The following FAXC variants were observed in gnomAD, a reference collection of about 807,000 sequenced individuals.
FAXC encodes the protein failed axon connections homolog.
Under a neutral mutation model 41.9 loss-of-function variants are expected in FAXC, and 10 were observed. The observed-to-expected ratio is 0.24, with a 90% CI of 0.15 to 0.41. The LOEUF is 0.41. Ranked by LOEUF, FAXC falls within the 10% of genes least tolerant of loss-of-function variation. The pLI is 1.00. For synonymous variants in FAXC, 183 were observed against 183.8 expected, an observed-to-expected ratio of 1.00 and a Z score of 0.03; for missense variants, 399 against 510.9, an observed-to-expected ratio of 0.78 and a Z score of 2.11.
At chr6:99,340,534 T>C (rs1042086190) in intron 2 of FAXC, among the ~76,000 whole-genome samples, 7 of 150,564 alleles carry the variant, frequency 4.6e-5, no homozygotes, top group Non-Finnish European at 1.0e-4. Context: ...AAGATATTCA[T>C]CAGGGAAGTT....
In FAXC at chr6:99,312,739, A is replaced by T. The variant is rs559435644; in HGVS notation, c.823+10705T>A. On this transcript the variant is annotated intron_variant, in intron 4 of 5. Transcript: ENST00000389677. The stretch of plus-strand genomic sequence containing the variant: ...AGTATTGAATTCTCCTTCTAGTTAA[A>T]TCTTTCTAATATTTTCCTAGGAAAA... Among the ~76,000 whole-genome samples, 14 of 152,338 alleles carry T rather than the reference A, an allele frequency of 9.2e-5. No individual in the cohort carries two copies. In the East Asian group the frequency reaches 2.5e-3, roughly 27 times the overall value.
chr6:99,279,382 A>C lies in FAXC; in HGVS notation c.*1782T>G, dbSNP rs1165747556. On this transcript the variant is annotated 3_prime_UTR_variant, in exon 6 of 6. Transcript: ENST00000389677. ...AATTGCTTAAGTGGTAAGCAGTCTGAAAAACTCTCCTCCCTTTACCTCTTT... is the reference window on the plus strand; with the variant it reads ...AATTGCTTAAGTGGTAAGCAGTCTGCAAAACTCTCCTCCCTTTACCTCTTT... The C allele has an allele frequency of 6.6e-6, 1 of 152,166 alleles. No individual in the cohort carries two copies. Among genetic ancestry groups the C allele is most frequent in the Non-Finnish European group, 1.5e-5 (1 of 68,032 alleles). The allele number at this position is 152,166 out of a possible 1,614,324, so 9.4% of individuals were successfully genotyped here.
At chr6:99,342,765 A>G (rs1340233739) in intron 2 of FAXC, 133 bp downstream of exon 2, 3 of 725,932 alleles carry the variant, frequency 4.1e-6, no homozygotes, top group Non-Finnish European at 6.6e-6. Flanking sequence ...CTTACTAAGG[A>G]TTAGGCACTG....
At chr6:99,285,149 T>G (rs1323111956) in intron 5 of FAXC, among the ~76,000 whole-genome samples, 2 of 152,152 alleles carry the variant, frequency 1.3e-5, no homozygotes, top group Non-Finnish European at 2.9e-5. Flanking sequence ...TGATGTTATC[T>G]ATCAAAAATT....
chr6:99,305,865 C>T lies in FAXC; in HGVS notation c.824-14045G>A, dbSNP rs569566634. On this transcript the variant is annotated intron_variant, in intron 4 of 5. Transcript: ENST00000389677. ...TAATCAATATTATTTTGACTATTTA[C>T]AAGACATGGCTCTGGGTGAGTGGGA... is the stretch of plus-strand genomic sequence containing the variant. Among the ~76,000 whole-genome samples, 15 of 152,134 alleles carry T rather than the reference C, an allele frequency of 9.9e-5. No homozygotes were observed. In the South Asian group the frequency reaches 1.2e-3, roughly 13 times the overall value.
chr6:99,343,138 A>G (rs1173189958), intron 1 of FAXC, 105 bp from the exon 2 acceptor site: 3 of 1,020,196 alleles, frequency 2.9e-6, no homozygotes, highest in Non-Finnish European at 4.2e-6. Flanking sequence ...TCAATGAACA[A>G]GCAGATCTGT....
intron 4 of FAXC, among the ~76,000 whole-genome samples, chr6:99,295,928 A>C (rs1346280424): frequency 6.6e-6 from 1 of 152,176 alleles, no homozygotes; most frequent in African/African-American, 2.4e-5. Context: ...ATGTTATCTG[A>C]AGCAAATATT....
At chr6:99,333,112 C>A (rs186366322) in intron 3 of FAXC, among the ~76,000 whole-genome samples, 1 of 152,214 alleles carries the variant, frequency 6.6e-6, no homozygotes, top group Admixed American at 6.5e-5. Context: ...GCAAAAGAGA[C>A]GTACAGCCAG....
At position 99,320,451 on chromosome 6, in the gene FAXC, T is replaced by C. The variant is rs540763868; in HGVS notation, c.823+2993A>G. On this transcript the variant is annotated intron_variant, in intron 4 of 5. Coordinates refer to ENST00000389677, the MANE Select transcript of FAXC (RefSeq NM_032511.4). ...TTCATTTATTTTAGTTTGAATTAAG[T>C]TACAATTTTTAAAACTATATCCATA... Among the ~76,000 whole-genome samples the C allele has an allele frequency of 9.5e-4, 145 of 152,298 alleles. 4 individuals are homozygous for C. In the South Asian group the frequency reaches 0.029, roughly 30 times the overall value.
In FAXC at chr6:99,272,936, A is replaced by G. The variant is rs546710753; in HGVS notation, c.*8228T>C. The G allele has an allele frequency of 2.6e-5, 4 of 152,370 alleles. No homozygotes were observed. The highest frequency in any genetic ancestry group is 9.6e-5 in the African/African-American group (4 of 41,584). The allele number at this position is 152,370 out of a possible 1,614,324, so 9.4% of individuals were successfully genotyped here. On this transcript the variant is annotated 3_prime_UTR_variant, in exon 6 of 6. Transcript: ENST00000389677. ...GAAAACTATTTCATATCCATTAGTT[A>G]TCATTTACACATCAAATACATATAG... is the stretch of plus-strand genomic sequence containing the variant.
At chr6:99,309,028 A>G (rs1046516530) in intron 4 of FAXC, among the ~76,000 whole-genome samples, 2 of 152,170 alleles carry the variant, frequency 1.3e-5, no homozygotes, top group Admixed American at 1.3e-4. Context: ...ATCCAGGCAA[A>G]TCAGCCCAGC....
intron 4 of FAXC, among the ~76,000 whole-genome samples, chr6:99,307,568 C>T (rs1025847634): frequency 2.0e-5 from 3 of 152,026 alleles, no homozygotes; most frequent in African/African-American, 7.2e-5. Flanking sequence ...GGTCTGGAGG[C>T]AGGCAAAGAT....
chr6:99,312,704 G>A (rs1000891637), intron 4 of FAXC, among the ~76,000 whole-genome samples: 1 of 152,154 alleles, frequency 6.6e-6, no homozygotes, highest in African/African-American at 2.4e-5. Flanking sequence ...CTGTAAGGTT[G>A]CAATATTTTA....
At position 99,278,327 on chromosome 6, in the gene FAXC, C is replaced by T. The variant is rs1237729007; in HGVS notation, c.*2837G>A. 6.6e-6 allele frequency: 1 copy of T among 152,116 alleles called. No homozygotes were observed. The highest frequency in any genetic ancestry group is 6.6e-5 in the Admixed American group (1 of 15,266). 9.4% of individuals were successfully genotyped at this position (152,116 alleles called of 1,614,324 possible). A position where few individuals can be genotyped will look rare whatever the true frequency, so the allele number is the denominator to read the frequency against. Reference sequence around the variant, plus strand: ...GGGCAAAGAGAGGTGGATGCAAGAGCTTGATTTACTTTTACAATGACAGGA... The same window carrying T: ...GGGCAAAGAGAGGTGGATGCAAGAGTTTGATTTACTTTTACAATGACAGGA... On this transcript the variant is annotated 3_prime_UTR_variant, in exon 6 of 6. Coordinates refer to ENST00000389677, the MANE Select transcript of FAXC (RefSeq NM_032511.4).
intron 4 of FAXC, among the ~76,000 whole-genome samples, chr6:99,315,870 G>A (rs1434387338): frequency 6.6e-6 from 1 of 152,106 alleles, no homozygotes; most frequent in African/African-American, 2.4e-5. Context: ...CCTCACAACT[G>A]AAACTGTATT....
intron 4 of FAXC, among the ~76,000 whole-genome samples, chr6:99,314,514 C>T (rs1277358808): frequency 6.6e-6 from 1 of 152,172 alleles, no homozygotes; most frequent in Non-Finnish European, 1.5e-5. Context: ...ATCAAGGCTT[C>T]AGTGAGCTAT....
Position 99,280,047 on chromosome 6 carries a change from T to C in FAXC, c.*1117A>G, listed in dbSNP as rs554065279. 2.6e-5 allele frequency: 4 copies of C among 152,330 alleles called. No homozygotes were observed. The South Asian group carries it at 6.2e-4, about 24-fold the overall frequency. 9.4% of individuals were successfully genotyped at this position (152,330 alleles called of 1,614,324 possible). A position where few individuals can be genotyped will look rare whatever the true frequency, so the allele number is the denominator to read the frequency against. On this transcript the variant is annotated 3_prime_UTR_variant, in exon 6 of 6. Coordinates refer to ENST00000389677, the MANE Select transcript of FAXC (RefSeq NM_032511.4). The stretch of plus-strand genomic sequence containing the variant: ...CCCTTCAACTCTATGAAACCTGCCA[T>C]ATACCTGAGATTTATTCTTCTCAAA...
rs887546566 is a variant in FAXC, at chr6:99,281,327, G to T, written c.1067C>A (p.Thr356Asn). Reference protein sequence around the residue: ...EESSEGSKTHTPLLDFSFYSR... With the variant: ...EESSEGSKTHNPLLDFSFYSR... ...GTAAAAGCTAAAATCCAGCAGCGGG[G>T]TGTGGGTTTTGCTGCCTTCGCTGCT... The change falls in exon 6 of 6, where the codon ACC becomes AAC. Residue 356 changes from threonine to asparagine, a missense_variant. By Grantham distance (65) the Thr-to-Asn change is moderately conservative (BLOSUM62 0). This residue lies in a region of FAXC where 92 missense variants were observed against 94.9 expected (regional missense o/e 0.97). Coordinates refer to ENST00000389677, the MANE Select transcript of FAXC (RefSeq NM_032511.4). The T allele has an allele frequency of 1.2e-6, 2 of 1,614,182 alleles. No individual in the cohort carries two copies. The highest frequency in any genetic ancestry group is 1.7e-6 in the Non-Finnish European group (2 of 1,180,008).
At chr6:99,293,678 G>C (rs1301593156) in intron 4 of FAXC, among the ~76,000 whole-genome samples, 3 of 107,508 alleles carry the variant, frequency 2.8e-5, no homozygotes, top group African/African-American at 1.0e-4. Context: ...GTGTGTGTGT[G>C]TGTGTGTGTG....
Sources: gnomAD v4.1 joint callset for allele counts (sites outside exome capture counted in the v4.1 genomes callset) on GRCh38, gnomAD v4.1.1 for gene constraint, gnomAD v4.1.1 regional missense constraint, MANE v1.5 for transcripts, NCBI Gene and HGNC (gene_info 2026-07-23, HGNC 2026-07-21) for gene names.